GALNT13: variants seen among roughly 807,000 people sequenced by gnomAD.
GALNT13 encodes the protein polypeptide N-acetylgalactosaminyltransferase 13.
GALNT13 carries 28 observed loss-of-function variants against 64.2 expected under a neutral mutation model. That is an observed-to-expected ratio of 0.44 (90% CI 0.32 to 0.60). GALNT13 has a LOEUF of 0.60. GALNT13 is among the 20% of genes least tolerant of loss of function. The pLI, the probability that GALNT13 is intolerant of heterozygous loss-of-function variation, is 0.05. For missense variants in GALNT13, 577 were observed against 669.8 expected, an observed-to-expected ratio of 0.86 and a Z score of 1.53; for synonymous variants, 214 against 224.6, an observed-to-expected ratio of 0.95 and a Z score of 0.42.
intron 3 of GALNT13, among the ~76,000 whole-genome samples, chr2:154,031,026 T>C (rs2105305959): frequency 6.6e-6 from 1 of 152,306 alleles, no homozygotes; most frequent in South Asian, 2.1e-4. Flanking sequence ...GTTTCTCATA[T>C]TTTTAGTTGC....
the GALNT13 span, chr2:153,477,324 G>A: frequency 2.0e-3 from 310 of 152,654 alleles, 8 homozygotes; most frequent in Non-Finnish European, 2.4e-4. Flanking sequence ...ATGACCACCA[G>A]GAGGCCAGGA....
At chr2:154,324,344 G>A (rs933275987) in intron 9 of GALNT13, among the ~76,000 whole-genome samples, 5 of 151,848 alleles carry the variant, frequency 3.3e-5, no homozygotes, top group Non-Finnish European at 7.4e-5. Flanking sequence ...TACATGCAAA[G>A]GGTATAATTT....
the GALNT13 span, among the ~76,000 whole-genome samples, chr2:153,138,241 G>C: frequency 6.6e-6 from 1 of 152,048 alleles, no homozygotes; most frequent in Admixed American, 6.6e-5. Flanking sequence ...TATGCTGACT[G>C]TGAAGAGTAT....
chr2:154,373,243 G>GA (rs1012023090), intron 9 of GALNT13, among the ~76,000 whole-genome samples: 4 of 152,012 alleles, frequency 2.6e-5, no homozygotes, highest in Non-Finnish European at 5.9e-5. Context: ...TATTTAAAAA[G>GA]AAAAAATACA....
At chr2:154,180,708 T>C (rs1436356400) in intron 4 of GALNT13, among the ~76,000 whole-genome samples, 1 of 152,174 alleles carries the variant, frequency 6.6e-6, no homozygotes, top group Non-Finnish European at 1.5e-5. Flanking sequence ...TCTATCTGTA[T>C]ATCTAAATTA....
chr2:153,926,880 A>G (rs920085848), intron 2 of GALNT13, among the ~76,000 whole-genome samples: 6 of 152,286 alleles, frequency 3.9e-5, no homozygotes, highest in Admixed American at 1.3e-4. Flanking sequence ...TACTATTTCT[A>G]GTTACTATAT....
chr2:154,374,895 C>A (rs1697894806), intron 9 of GALNT13, among the ~76,000 whole-genome samples: 1 of 152,148 alleles, frequency 6.6e-6, no homozygotes. Context: ...ATTTAATTAA[C>A]CTCAATGATT....
At chr2:153,209,452 A>G in the GALNT13 span, among the ~76,000 whole-genome samples, 44 of 152,302 alleles carry the variant, frequency 2.9e-4, no homozygotes, top group Non-Finnish European at 5.1e-4. Context: ...GAATTATGCC[A>G]ATACCTTGGT....
chr2:153,354,681 A>C, the GALNT13 span, among the ~76,000 whole-genome samples: 2 of 152,200 alleles, frequency 1.3e-5, no homozygotes, highest in African/African-American at 4.8e-5. Context: ...TCCCTGCCCC[A>C]GGAAAATCAG....
intron 4 of GALNT13, among the ~76,000 whole-genome samples, chr2:154,204,697 C>T (rs996770206): frequency 5.3e-5 from 8 of 152,128 alleles, no homozygotes; most frequent in African/African-American, 1.7e-4. Context: ...ATTTATTCTC[C>T]ATCTGTATTT....
chr2:153,213,877 G>C, the GALNT13 span, among the ~76,000 whole-genome samples: 7 of 152,126 alleles, frequency 4.6e-5, no homozygotes, highest in Non-Finnish European at 5.9e-5. Context: ...GTATTCATTA[G>C]GAGCATTAGT....
At chr2:153,164,236 C>A in the GALNT13 span, among the ~76,000 whole-genome samples, 1 of 152,140 alleles carries the variant, frequency 6.6e-6, no homozygotes, top group African/African-American at 2.4e-5. Flanking sequence ...CATAGTCCAT[C>A]TCCCTTTTCC....
At chr2:153,656,343 C>CGT in the GALNT13 span, among the ~76,000 whole-genome samples, 1 of 101,498 alleles carries the variant, frequency 9.9e-6, no homozygotes, top group Non-Finnish European at 2.1e-5. Context: ...TGTGTGTGCG[C>CGT]GCGCACATAT....
chr2:154,290,925 C>G (rs973061715), intron 8 of GALNT13, among the ~76,000 whole-genome samples: 14 of 151,274 alleles, frequency 9.3e-5, no homozygotes, highest in Non-Finnish European at 1.3e-4. Flanking sequence ...CCGTCCAGAG[C>G]TGTTCGTCCC....
the GALNT13 span, among the ~76,000 whole-genome samples, chr2:153,219,697 A>G: frequency 1.5e-4 from 23 of 152,330 alleles, no homozygotes; most frequent in East Asian, 4.2e-3. Flanking sequence ...TTATGAGGAC[A>G]ACTAGTTATC....
chr2:153,982,946 A>G (rs544338257), intron 3 of GALNT13, among the ~76,000 whole-genome samples: 1 of 152,076 alleles, frequency 6.6e-6, no homozygotes, highest in African/African-American at 2.4e-5. Context: ...TTTTTGTTAG[A>G]ATTTGAAGAG....
the GALNT13 span, among the ~76,000 whole-genome samples, chr2:153,767,809 C>CG: frequency 1.3e-5 from 2 of 150,638 alleles, no homozygotes; most frequent in African/African-American, 4.9e-5. Flanking sequence ...TTTTTTTCCC[C>CG]CTGTTTAGTT....
chr2:153,688,815 A>T, the GALNT13 span, among the ~76,000 whole-genome samples: 2,431 of 152,080 alleles, frequency 0.016, 54 homozygotes, highest in African/African-American at 0.054. Context: ...AATTTTATAG[A>T]TGTAATACAA....
the GALNT13 span, among the ~76,000 whole-genome samples, chr2:153,622,322 G>A: frequency 6.9e-3 from 1,051 of 152,162 alleles, 17 homozygotes; most frequent in African/African-American, 0.024. Context: ...TGATATTGAC[G>A]GGAAATTAGT....
Sources: gnomAD v4.1 joint callset for allele counts (sites outside exome capture counted in the v4.1 genomes callset) on GRCh38, gnomAD v4.1.1 for gene constraint, MANE v1.5 for transcripts, NCBI Gene and HGNC (gene_info 2026-07-23, HGNC 2026-07-21) for gene names.